Variants in GRID2 observed in about 807,000 individuals in gnomAD.
GRID2 encodes the protein glutamate ionotropic receptor delta type subunit 2, also known as glutamate receptor ionotropic, delta-2.
GRID2 carries 33 observed loss-of-function variants against 114.8 expected under a neutral mutation model. That is an observed-to-expected ratio of 0.29 (90% CI 0.22 to 0.38). GRID2 has a LOEUF of 0.38. GRID2 is among the 10% of genes least tolerant of loss of function. The pLI is 1.00. For synonymous variants in GRID2, 505 were observed against 449.9 expected, an observed-to-expected ratio of 1.12 and a Z score of -1.55; for missense variants, 1,184 against 1,257.7, an observed-to-expected ratio of 0.94 and a Z score of 0.89.
In GRID2 at chr4:92,482,740, T is replaced by C. The variant is rs994687207; in HGVS notation, c.89-107391T>C. Among the ~76,000 whole-genome samples the C allele has an allele frequency of 2.0e-5, 3 of 151,912 alleles. No homozygotes were observed. The South Asian group carries it at 6.2e-4, about 31-fold the overall frequency. ...TGACTTGTCTCTGGCTGAAAGAATCTAGAGACGCATAACTTAAAAACTCTA... is the reference window on the plus strand; with the variant it reads ...TGACTTGTCTCTGGCTGAAAGAATCCAGAGACGCATAACTTAAAAACTCTA... On this transcript the variant is annotated intron_variant, in intron 1 of 15. Coordinates refer to ENST00000282020, the MANE Select transcript of GRID2 (RefSeq NM_001510.4).
At chr4:92,637,754 A>T (rs557420663) in intron 2 of GRID2, among the ~76,000 whole-genome samples, 3 of 152,012 alleles carry the variant, frequency 2.0e-5, no homozygotes, top group Non-Finnish European at 4.4e-5. Context: ...CTGTGACAGC[A>T]GCTTTTATTC....
At chr4:92,578,315 G>A (rs531075281) in intron 1 of GRID2, among the ~76,000 whole-genome samples, 5 of 112,772 alleles carry the variant, frequency 4.4e-5, no homozygotes, top group Admixed American at 1.4e-4. Flanking sequence ...TCCCCTTCCC[G>A]TGTCCATGTG....
intron 9 of GRID2, among the ~76,000 whole-genome samples, chr4:93,403,361 A>G (rs912189368): frequency 6.6e-6 from 1 of 152,128 alleles, no homozygotes; most frequent in Non-Finnish European, 1.5e-5. Flanking sequence ...GAGGAGTTCC[A>G]TGGACCCACT....
intron 2 of GRID2, among the ~76,000 whole-genome samples, chr4:92,973,164 A>G (rs1232610298): frequency 1.3e-5 from 2 of 151,786 alleles, no homozygotes; most frequent in Non-Finnish European, 2.9e-5. Context: ...TCTGTTTTTA[A>G]GGGTGTAAAT....
At chr4:93,003,892 T>G (rs1721250219) in intron 2 of GRID2, among the ~76,000 whole-genome samples, 1 of 151,952 alleles carries the variant, frequency 6.6e-6, no homozygotes, top group South Asian at 2.1e-4. Context: ...ATTGTGAAAT[T>G]TGAAAGTTTC....
At chr4:92,960,848 A>C (rs1752749832) in intron 2 of GRID2, among the ~76,000 whole-genome samples, 1 of 151,846 alleles carries the variant, frequency 6.6e-6, no homozygotes, top group Non-Finnish European at 1.5e-5. Flanking sequence ...TTATGAATTT[A>C]ATTGATCACT....
chr4:93,317,446 A>G (rs1756775732), intron 8 of GRID2, among the ~76,000 whole-genome samples: 1 of 152,082 alleles, frequency 6.6e-6, no homozygotes. Context: ...ACAAGTCGAC[A>G]GCTGTTTAAA....
chr4:92,592,750 G>A (rs988151553), intron 2 of GRID2, among the ~76,000 whole-genome samples: 2 of 151,900 alleles, frequency 1.3e-5, no homozygotes, highest in African/African-American at 4.8e-5. Flanking sequence ...AAGCTTTAAA[G>A]ACAATTTGTT....
At chr4:92,918,717 G>T (rs921592811) in intron 2 of GRID2, among the ~76,000 whole-genome samples, 3 of 152,152 alleles carry the variant, frequency 2.0e-5, no homozygotes, top group Non-Finnish European at 2.9e-5. Flanking sequence ...GATCATGGTG[G>T]ATAAGCTTTT....
chr4:92,787,215 T>G (rs1307528067), intron 2 of GRID2, among the ~76,000 whole-genome samples: 1 of 151,850 alleles, frequency 6.6e-6, no homozygotes, highest in Non-Finnish European at 1.5e-5. Flanking sequence ...AAGACAAAGA[T>G]CCCAGACACA....
exon 2 of GRID2, chr4:93,808,099 C>A (rs192565108): frequency 5.9e-4 from 90 of 152,208 alleles, no homozygotes; most frequent in African/African-American, 2.1e-3. Flanking sequence ...CCCATGGGTT[C>A]TTTTACTAAT....
At chr4:92,710,277 A>T (rs1321601492) in intron 2 of GRID2, among the ~76,000 whole-genome samples, 2 of 143,066 alleles carry the variant, frequency 1.4e-5, no homozygotes, top group Admixed American at 7.1e-5. Context: ...GCTAAAAGAG[A>T]AGAAAATAGT....
intron 14 of GRID2, among the ~76,000 whole-genome samples, chr4:93,670,854 A>G (rs1252438618): frequency 6.6e-6 from 1 of 152,248 alleles, no homozygotes; most frequent in Non-Finnish European, 1.5e-5. Flanking sequence ...AAGAGCAAAC[A>G]CTGTAAACAA....
chr4:93,126,675 G>A (rs1271462336), intron 4 of GRID2, among the ~76,000 whole-genome samples: 4 of 123,196 alleles, frequency 3.2e-5, no homozygotes, highest in Non-Finnish European at 4.7e-5. Flanking sequence ...TCGGCTCACT[G>A]CAAGCTCCGC....
At chr4:92,522,830 T>C (rs1301096308) in intron 1 of GRID2, among the ~76,000 whole-genome samples, 2 of 151,880 alleles carry the variant, frequency 1.3e-5, no homozygotes, top group African/African-American at 4.8e-5. Flanking sequence ...TTATTGGACA[T>C]AGAAAGTTGA....
At chr4:93,487,049 A>G (rs1342482076) in intron 11 of GRID2, among the ~76,000 whole-genome samples, 1 of 151,656 alleles carries the variant, frequency 6.6e-6, no homozygotes, top group Non-Finnish European at 1.5e-5. Context: ...TTGGGGAGGA[A>G]CTTTTTTAGG....
chr4:93,130,188 C>G (rs1734670610), intron 4 of GRID2, among the ~76,000 whole-genome samples: 1 of 152,146 alleles, frequency 6.6e-6, no homozygotes, highest in Admixed American at 6.5e-5. Context: ...GCCTGTAATC[C>G]CACCACTTTG....
chr4:92,484,689 C>T (rs1443163861), intron 1 of GRID2, among the ~76,000 whole-genome samples: 1 of 151,928 alleles, frequency 6.6e-6, no homozygotes. Flanking sequence ...AAGATTCAGA[C>T]TAAAAATTCT....
intron 14 of GRID2, among the ~76,000 whole-genome samples, chr4:93,670,599 C>T (rs997961640): frequency 6.6e-6 from 1 of 152,156 alleles, no homozygotes; most frequent in Non-Finnish European, 1.5e-5. Flanking sequence ...TACACTGATA[C>T]TTTCACACAG....
Sources: allele counts gnomAD v4.1 joint callset (sites outside exome capture counted in the v4.1 genomes callset), GRCh38; gene constraint gnomAD v4.1.1; transcripts MANE v1.5; gene names NCBI Gene and HGNC (gene_info 2026-07-23, HGNC 2026-07-21).